The following TRPS1 variants were observed in gnomAD, a reference collection of about 807,000 sequenced individuals.
TRPS1 encodes the protein zinc finger transcription factor Trps1.
TRPS1 carries 6 observed loss-of-function variants against 101.2 expected under a neutral mutation model. The observed-to-expected ratio is 0.06, with a 90% CI of 0.03 to 0.12. TRPS1 has a LOEUF of 0.12. Ranked by LOEUF, TRPS1 falls within the 10% of genes least tolerant of loss-of-function variation. The pLI, the probability that TRPS1 is intolerant of heterozygous loss-of-function variation, is 1.00. For synonymous variants in TRPS1, 578 were observed against 589.8 expected (o/e 0.98, Z 0.29); for missense variants, 1,363 against 1,567.0 (o/e 0.87, Z 2.20).
At chr8:115,528,507 A>G (rs1439925454) in intron 5 of TRPS1, among the ~76,000 whole-genome samples, 3 of 152,066 alleles carry the variant, frequency 2.0e-5, no homozygotes, top group Non-Finnish European at 4.4e-5. Context: ...TTTAAATACG[A>G]TTTTAAAAGA....
intron 5 of TRPS1, among the ~76,000 whole-genome samples, chr8:115,464,701 C>T (rs1341200501): frequency 1.3e-5 from 2 of 152,078 alleles, no homozygotes; most frequent in Non-Finnish European, 2.9e-5. Context: ...TGCCTTACAG[C>T]TTTATTCAAA....
At position 115,470,501 on chromosome 8, in the gene TRPS1, C is replaced by T. The variant is rs557062385; in HGVS notation, c.2701-52049G>A. ...TTATTTGTGAATGTTATGTATATAA[C>T]AGGAATAACAAGTACTTGTGTATCA... On this transcript the variant is annotated intron_variant, in intron 5 of 6. Coordinates refer to ENST00000395715, the MANE Select transcript of TRPS1 (RefSeq NM_014112.5). Among the ~76,000 whole-genome samples, 46 of 152,156 alleles carry T rather than the reference C, an allele frequency of 3.0e-4. 1 individual carries two copies. The highest frequency in any genetic ancestry group is 1.1e-3 in the African/African-American group (46 of 41,522).
rs143825536 is a variant in TRPS1 at position 115,588,629 on chromosome 8, G to A, written c.2097-1025C>T. ...AAGCATACCCGAAAGATACACAAGT[G>A]ATGTGGAAAAAGTCATATTTTGTTT... On this transcript the variant is annotated intron_variant, in intron 4 of 6. Transcript: ENST00000395715. Among the ~76,000 whole-genome samples, 1,026 of 152,282 alleles carry A rather than the reference G, an allele frequency of 6.7e-3. 16 individuals carry two copies. The highest frequency in any genetic ancestry group is 0.024 in the African/African-American group (981 of 41,562).
intron 5 of TRPS1, among the ~76,000 whole-genome samples, chr8:115,535,809 T>C (rs1275367707): frequency 6.6e-6 from 1 of 151,758 alleles, no homozygotes; most frequent in Non-Finnish European, 1.5e-5. Context: ...AGTCAAGCCT[T>C]TTGATTCACC....
At position 115,643,435 on chromosome 8, in the gene TRPS1, C is replaced by G. The variant is rs1264306436; in HGVS notation, c.-121-19677G>C. Among the ~76,000 whole-genome samples the G allele has an allele frequency of 2.0e-5, 3 of 152,224 alleles. No homozygotes were observed. In the East Asian group the frequency reaches 5.8e-4, roughly 29 times the overall value. On this transcript the variant is annotated intron_variant, in intron 1 of 6. Coordinates refer to ENST00000395715, the MANE Select transcript of TRPS1 (RefSeq NM_014112.5). The stretch of plus-strand genomic sequence containing the variant: ...TTTGTCATTTTGACAATGTTCACAG[C>G]ATTTCCACCAGGAATAGCTTCCATC...
In TRPS1 at chr8:115,612,056, G is replaced by A. The variant is rs188298771; in HGVS notation, c.967-7054C>T. ...AAAATTAAAGGAAAGAAGAAAGAAA[G>A]GAAGGTGAGAGGGTGGGAGAAAAAA... On this transcript the variant is annotated intron_variant, in intron 3 of 6. Transcript: ENST00000395715. 3.3e-5 allele frequency among the ~76,000 whole-genome samples: 5 copies of A among 150,934 alleles called. No homozygotes were observed. The East Asian group carries it at 9.7e-4, about 29-fold the overall frequency.
intron 6 of TRPS1, among the ~76,000 whole-genome samples, chr8:115,415,620 T>A (rs899324577): frequency 6.6e-6 from 1 of 152,214 alleles, no homozygotes; most frequent in Non-Finnish European, 1.5e-5. Flanking sequence ...ATGAGGTTGT[T>A]AAGGGTGGGG....
intron 5 of TRPS1, among the ~76,000 whole-genome samples, chr8:115,423,707 T>C (rs901430047): frequency 2.0e-5 from 3 of 152,218 alleles, no homozygotes; most frequent in African/African-American, 7.2e-5. Context: ...TTCTCTAAGT[T>C]TCCAATTTAA....
intron 5 of TRPS1, among the ~76,000 whole-genome samples, chr8:115,451,890 G>A (rs1813882366): frequency 6.6e-6 from 1 of 152,136 alleles, no homozygotes; most frequent in Non-Finnish European, 1.5e-5. Context: ...TCTAATACAG[G>A]AAATGAACAC....
At chr8:115,646,142 A>G (rs1328872837) in intron 1 of TRPS1, among the ~76,000 whole-genome samples, 1 of 152,230 alleles carries the variant, frequency 6.6e-6, no homozygotes, top group Non-Finnish European at 1.5e-5. Flanking sequence ...ATCATTATTT[A>G]TAGAAATAAA....
At chr8:115,638,104 A>G (rs576281130) in intron 1 of TRPS1, among the ~76,000 whole-genome samples, 21 of 152,314 alleles carry the variant, frequency 1.4e-4, no homozygotes, top group Admixed American at 3.9e-4. Context: ...AGTAGTTAAA[A>G]TAAGGGCCAG....
intron 5 of TRPS1, among the ~76,000 whole-genome samples, chr8:115,456,201 CG>C (rs1411462802): frequency 2.0e-5 from 3 of 151,966 alleles, no homozygotes; most frequent in Non-Finnish European, 4.4e-5. Flanking sequence ...TCCTGTGCAA[CG>C]AAGTGTGGAA....
At chr8:115,429,924 AT>A (rs879652015) in intron 5 of TRPS1, among the ~76,000 whole-genome samples, 5 of 152,122 alleles carry the variant, frequency 3.3e-5, no homozygotes, top group Non-Finnish European at 7.4e-5. Context: ...ATTTCTCCCT[AT>A]TGTGAAGTAA....
chr8:115,665,420 C>T (rs762281975), intron 1 of TRPS1, among the ~76,000 whole-genome samples: 3 of 152,056 alleles, frequency 2.0e-5, no homozygotes, highest in African/African-American at 4.8e-5. Flanking sequence ...ATACTAGAAT[C>T]GTAAAAGCTG....
At chr8:115,548,512 G>A (rs866599419) in intron 5 of TRPS1, among the ~76,000 whole-genome samples, 4 of 151,696 alleles carry the variant, frequency 2.6e-5, no homozygotes, top group Non-Finnish European at 4.4e-5. Flanking sequence ...CCTGCTGATC[G>A]CGAACTCCTG....
intron 5 of TRPS1, among the ~76,000 whole-genome samples, chr8:115,550,712 T>C: frequency 6.6e-6 from 1 of 152,182 alleles, no homozygotes; most frequent in East Asian, 1.9e-4. Flanking sequence ...TTGTTCTATT[T>C]GACTTCTAAA....
chr8:115,458,388 A>T (rs1203803039), intron 5 of TRPS1, among the ~76,000 whole-genome samples: 1 of 152,182 alleles, frequency 6.6e-6, no homozygotes, highest in Non-Finnish European at 1.5e-5. Context: ...AACATACTGA[A>T]TCATATAATT....
At chr8:115,590,009 C>T (rs555658317) in intron 4 of TRPS1, among the ~76,000 whole-genome samples, 56 of 152,010 alleles carry the variant, frequency 3.7e-4, no homozygotes, top group South Asian at 2.1e-4. Context: ...CCCAGTTACT[C>T]GGGAGGCTGA....
chr8:115,437,555 A>G (rs1343279049), intron 5 of TRPS1, among the ~76,000 whole-genome samples: 1 of 152,362 alleles, frequency 6.6e-6, no homozygotes, highest in African/African-American at 2.4e-5. Context: ...AGTATTTAAT[A>G]GGCTAATAAT....
Sources: gnomAD v4.1 joint callset for allele counts (sites outside exome capture counted in the v4.1 genomes callset) on GRCh38, gnomAD v4.1.1 for gene constraint, MANE v1.5 for transcripts, NCBI Gene and HGNC (gene_info 2026-07-23, HGNC 2026-07-21) for gene names.